GOLGA4: variants seen among roughly 807,000 people sequenced by gnomAD.
The protein encoded by GOLGA4 is golgin subfamily A member 4.
Under a neutral mutation model 265.9 loss-of-function variants are expected in GOLGA4, and 169 were observed. The ratio of observed to expected loss-of-function variants is 0.64; its 90% confidence interval spans 0.56 to 0.72. The LOEUF is 0.72. GOLGA4 is among the 30% of genes least tolerant of loss of function. GOLGA4 has a pLI of 0.00. For synonymous variants in GOLGA4, 923 were observed against 855.8 expected, an observed-to-expected ratio of 1.08 and a Z score of -1.37; for missense variants, 2,482 against 2,483.4, an observed-to-expected ratio of 1.00 and a Z score of 0.01.
At chr3:37,362,569 C>CT (rs934007233) in intron 23 of GOLGA4, among the ~76,000 whole-genome samples, 21 of 151,636 alleles carry the variant, frequency 1.4e-4, no homozygotes, top group African/African-American at 4.6e-4. Flanking sequence ...TAAGTAAAGC[C>CT]TTTATCACCC....
chr3:37,282,463 G>A (rs1252358844), intron 3 of GOLGA4, among the ~76,000 whole-genome samples, 191 bp downstream of exon 3: 1 of 152,144 alleles, frequency 6.6e-6, no homozygotes, highest in Non-Finnish European at 1.5e-5. Flanking sequence ...AAAGACAGAG[G>A]CCCTTTGGCA....
chr3:37,266,766 G>T (rs2150695703), intron 2 of GOLGA4: 1 of 612,852 alleles, frequency 1.6e-6, no homozygotes, highest in South Asian at 1.6e-5. Context: ...AGAACACTTT[G>T]CAACATGCCA....
intron 11 of GOLGA4, among the ~76,000 whole-genome samples, chr3:37,318,850 G>A (rs1029284380): frequency 2.0e-5 from 3 of 152,126 alleles, no homozygotes; most frequent in Admixed American, 6.5e-5. Context: ...AGCAGCACTT[G>A]TCTTAAAATA....
intron 20 of GOLGA4, 140 bp from the exon 21 acceptor site, chr3:37,347,053 G>A (rs1438837085): frequency 1.8e-6 from 1 of 553,076 alleles, no homozygotes; most frequent in East Asian, 2.9e-5. Context: ...GTGTGCATGT[G>A]TGTATACAAT....
In GOLGA4 at chr3:37,299,292, T is replaced by G; in HGVS notation, c.1007T>G (p.Leu336Arg). The G allele has an allele frequency of 6.2e-7, 1 of 1,607,656 alleles. No individual in the cohort carries two copies. Among genetic ancestry groups the G allele is most frequent in the Non-Finnish European group, 8.5e-7 (1 of 1,174,786 alleles). Residue 336 changes from leucine (L) to arginine (R), a missense_variant, in exon 9 of 24, where the codon CTT becomes CGT. Coordinates refer to ENST00000361924, the MANE Select transcript of GOLGA4 (RefSeq NM_002078.5). ...RLQELEKIKD[L>R]HMAEKTKLIT... ...GAATTTAAAAATTTTTTTTAGGACC[T>G]TCATATGGCCGAGAAGACTAAACTT...
At chr3:37,253,522 A>C (rs1363068867) in intron 2 of GOLGA4, among the ~76,000 whole-genome samples, 2 of 152,142 alleles carry the variant, frequency 1.3e-5, no homozygotes, top group Non-Finnish European at 2.9e-5. Context: ...AAGTGATGAC[A>C]ATGCTTTGTC....
intron 5 of GOLGA4, among the ~76,000 whole-genome samples, chr3:37,293,575 A>G (rs1266674608): frequency 6.6e-6 from 1 of 152,238 alleles, no homozygotes. Context: ...GAACTAGTGA[A>G]GTATAGGAAT....
rs112619431 is a variant in GOLGA4, at chr3:37,279,523, A to T, written c.163-2435A>T. On this transcript the variant is annotated intron_variant, in intron 2 of 23. Transcript: ENST00000361924. ...AAGGGCAGGTTCCCCATGATGCTCC[A>T]CGTGGGGCCAAGACTCATGTGCTTT... Among the ~76,000 whole-genome samples, 514 of 152,330 alleles carry T rather than the reference A, an allele frequency of 3.4e-3. 4 individuals are homozygous for T. Among genetic ancestry groups the T allele is most frequent in the African/African-American group, 0.012 (501 of 41,586 alleles).
chr3:37,275,718 C>T, intron 2 of GOLGA4: 7 of 1,612,284 alleles, frequency 4.3e-6, no homozygotes, highest in Non-Finnish European at 3.4e-6. Flanking sequence ...GTCCGCTTTG[C>T]CAAGAAGATG....
chr3:37,328,445 A>G lies in GOLGA4; in HGVS notation c.5969A>G (p.His1990Arg). The change falls in exon 15 of 24, where the codon CAC (histidine) becomes CGC (arginine). Residue 1990 changes from histidine to arginine, a missense_variant. This residue lies in a region of GOLGA4 where 942 missense variants were observed against 983.1 expected (regional missense o/e 0.96). Coordinates refer to ENST00000361924, the MANE Select transcript of GOLGA4 (RefSeq NM_002078.5). ...KQEQEDLELK[H>R]NSTLKQLMRE... ...GAGCAGGAAGATCTTGAACTGAAGC[A>G]CAATTCCACATTAAAACAGCTGATG... The G allele has an allele frequency of 6.2e-7, 1 of 1,613,146 alleles. No individual in the cohort carries two copies. The highest frequency in any genetic ancestry group is 8.5e-7 in the Non-Finnish European group (1 of 1,179,226).
intron 2 of GOLGA4, among the ~76,000 whole-genome samples, chr3:37,267,500 G>A (rs1248809497): frequency 6.6e-6 from 1 of 152,162 alleles, no homozygotes; most frequent in Admixed American, 6.5e-5. Flanking sequence ...GCGTCATACG[G>A]TTTTGAATCT....
In GOLGA4 at chr3:37,299,415, C is replaced by T. The variant is rs573046871; in HGVS notation, c.1086+44C>T. ...TGATACTAAAATTTGTCAAGAGGCC[C>T]CAACATTTACTTTTGGAAACAGTTG... is the stretch of plus-strand genomic sequence containing the variant. On this transcript the variant is annotated intron_variant, in intron 9 of 23. Coordinates refer to ENST00000361924, the MANE Select transcript of GOLGA4 (RefSeq NM_002078.5). 1.6e-5 allele frequency: 19 copies of T among 1,164,946 alleles called. 2 individuals carry two copies. The South Asian group carries it at 2.5e-4, about 16-fold the overall frequency. 72.2% of individuals were successfully genotyped at this position (1,164,946 alleles called of 1,614,324 possible).
intron 5 of GOLGA4, among the ~76,000 whole-genome samples, chr3:37,289,744 A>G (rs1451964657): frequency 1.3e-5 from 2 of 152,168 alleles, no homozygotes; most frequent in East Asian, 1.9e-4. Flanking sequence ...GGAGTAGGCA[A>G]GACCACTCCT....
chr3:37,248,947 A>G (rs2096726741), intron 1 of GOLGA4, among the ~76,000 whole-genome samples: 1 of 152,360 alleles, frequency 6.6e-6, no homozygotes, highest in South Asian at 2.1e-4. Flanking sequence ...ATAGAATCAC[A>G]ACAGAGAGAG....
At position 37,294,926 on chromosome 3, in the gene GOLGA4, T is replaced by G. The variant is rs530320999; in HGVS notation, c.583-53T>G. 52 of 1,212,378 alleles carry G rather than the reference T, an allele frequency of 4.3e-5. No individual in the cohort carries two copies. The African/African-American group carries it at 7.5e-4, about 17-fold the overall frequency. The allele number at this position is 1,212,378 out of a possible 1,614,324, so 75.1% of individuals were successfully genotyped here. A position where few individuals can be genotyped will look rare whatever the true frequency, so the allele number is the denominator to read the frequency against. ...AACATGTTTTTAAATTTTGAAAACT[T>G]TGTATTTTTTGTTTTATACTGAAAA... On this transcript the variant is annotated intron_variant, in intron 5 of 23. Transcript: ENST00000361924.
chr3:37,344,382 A>G (rs1004343837), intron 20 of GOLGA4, among the ~76,000 whole-genome samples: 4 of 151,956 alleles, frequency 2.6e-5, no homozygotes, highest in African/African-American at 9.7e-5. Context: ...GTCTATAGGC[A>G]TGAGCCACTG....
At chr3:37,316,797 C>CT (rs2096938777) in intron 11 of GOLGA4, among the ~76,000 whole-genome samples, 1 of 151,594 alleles carries the variant, frequency 6.6e-6, no homozygotes, top group African/African-American at 2.4e-5. Context: ...TTTCTCTTCT[C>CT]TGATTTTTTT....
At chr3:37,342,234 C>T (rs1319307683) in intron 20 of GOLGA4, among the ~76,000 whole-genome samples, 2 of 152,216 alleles carry the variant, frequency 1.3e-5, no homozygotes, top group East Asian at 1.9e-4. Flanking sequence ...ATCTCAGCTA[C>T]TCGGGAAGCT....
chr3:37,269,490 T>G (rs1398948393), intron 2 of GOLGA4, among the ~76,000 whole-genome samples: 2 of 152,142 alleles, frequency 1.3e-5, no homozygotes, highest in Non-Finnish European at 2.9e-5. Flanking sequence ...GTTTATAGTT[T>G]ACTTTGGAGA....
Sources: gnomAD v4.1 joint callset for allele counts (sites outside exome capture counted in the v4.1 genomes callset) on GRCh38, gnomAD v4.1.1 for gene constraint, gnomAD v4.1.1 regional missense constraint, MANE v1.5 for transcripts, NCBI Gene and HGNC (gene_info 2026-07-23, HGNC 2026-07-21) for gene names.